CFAP69: variants seen among roughly 807,000 people sequenced by gnomAD.
CFAP69 encodes the protein cilia- and flagella-associated protein 69.
In CFAP69, 92 loss-of-function variants were observed where a neutral mutation model predicts 123.0. The observed-to-expected ratio is 0.75, with a 90% CI of 0.63 to 0.89. The LOEUF is 0.89. Among genes scored for constraint, CFAP69 ranks in the 40% least tolerant of loss-of-function variants. CFAP69 has a pLI of 0.00. For missense variants in CFAP69, 1,067 were observed against 1,096.9 expected (o/e 0.97, Z 0.39); for synonymous variants, 380 against 364.3 (o/e 1.04, Z -0.49).
the CFAP69 span, chr7:90,320,326 A>G: frequency 2.6e-5 from 4 of 152,236 alleles, no homozygotes; most frequent in Admixed American, 1.3e-4. Context: ...ACGCACTAAT[A>G]TCCGGTGTAT....
chr7:90,262,596 TCTG>T (rs1035636631), intron 4 of CFAP69, among the ~76,000 whole-genome samples: 1 of 152,112 alleles, frequency 6.6e-6, no homozygotes, highest in Non-Finnish European at 1.5e-5. Context: ...TCTAACAAGT[TCTG>T]GGAACTGAGT....
At chr7:90,287,403 TG>T in intron 14 of CFAP69, 1 of 644,600 alleles carries the variant, frequency 1.6e-6, no homozygotes, top group Non-Finnish European at 1.9e-6. Context: ...TTTTCCAGAG[TG>T]GGCTGTACCA....
chr7:90,262,379 T>C (rs1798451666), intron 4 of CFAP69, among the ~76,000 whole-genome samples: 1 of 152,220 alleles, frequency 6.6e-6, no homozygotes. Flanking sequence ...ATGGATATGC[T>C]TATAATTTCA....
At chr7:90,272,676 C>G (rs1487773479) in intron 8 of CFAP69, among the ~76,000 whole-genome samples, 1 of 152,064 alleles carries the variant, frequency 6.6e-6, no homozygotes, top group African/African-American at 2.4e-5. Flanking sequence ...CAGGGATCAG[C>G]AGATACTAGG....
In CFAP69 at chr7:90,271,969, G is replaced by A. The variant is rs746540573; in HGVS notation, c.860+11G>A. ...CTTGGAATGTTTGCTGTAAGCGTAT[G>A]TGGTTAGATAGGAATGTTCTTTTAA... is the stretch of plus-strand genomic sequence containing the variant. On this transcript the variant is annotated intron_variant, in intron 8 of 22. Transcript: ENST00000389297. 2 of 1,602,868 alleles carry A rather than the reference G, an allele frequency of 1.2e-6. No individual in the cohort carries two copies. The highest frequency in any genetic ancestry group is 2.7e-5 in the African/African-American group (2 of 74,450).
chr7:90,251,574 G>T (rs1797009643), intron 1 of CFAP69, among the ~76,000 whole-genome samples: 2 of 152,110 alleles, frequency 1.3e-5, no homozygotes, highest in Admixed American at 1.3e-4. Context: ...AGATCCTTGT[G>T]TTACATACAA....
rs760134278 is a variant in CFAP69, at chr7:90,297,779, G to A, written c.1806G>A (p.Glu602=). Residue 602 remains glutamate (E), a synonymous_variant, in exon 16 of 23, where the codon GAG becomes GAA. Coordinates refer to ENST00000389297, the MANE Select transcript of CFAP69 (RefSeq NM_001039706.3). ...WCCILGCYPS[E]DYFLEKEGIF... ...GTATTTTGGGATGTTATCCCTCAGA[G>A]GATTATTTTCTTGAAAAGGAAGGCA... The A allele has an allele frequency of 8.3e-6, 13 of 1,573,022 alleles. No homozygotes were observed. The highest frequency in any genetic ancestry group is 1.1e-5 in the Non-Finnish European group (13 of 1,167,398).
the CFAP69 span, chr7:90,319,010 T>C: frequency 5.6e-6 from 1 of 178,672 alleles, no homozygotes; most frequent in Non-Finnish European, 1.2e-5. Context: ...TTCAAAAGCC[T>C]AAATACATGT....
At chr7:90,300,588 A>T (rs1159452344) in intron 17 of CFAP69, 4 of 415,086 alleles carry the variant, frequency 9.6e-6, no homozygotes, top group Non-Finnish European at 1.3e-5. Flanking sequence ...TGAGACTTAC[A>T]GTATCATAAT....
chr7:90,277,171 G>A (rs774260485), intron 10 of CFAP69, 42 bp from the exon 11 acceptor site: 7 of 1,575,736 alleles, frequency 4.4e-6, no homozygotes, highest in East Asian at 4.5e-5. Flanking sequence ...GATAAGTCTT[G>A]TACAACATTT....
intron 13 of CFAP69, among the ~76,000 whole-genome samples, chr7:90,283,468 G>A (rs1045459765): frequency 2.6e-5 from 4 of 152,044 alleles, no homozygotes; most frequent in Non-Finnish European, 5.9e-5. Context: ...GTACAGAGGA[G>A]TTTCTTTTCT....
intron 2 of CFAP69, among the ~76,000 whole-genome samples, chr7:90,256,619 G>T (rs894001803): frequency 5.9e-5 from 9 of 152,040 alleles, no homozygotes; most frequent in African/African-American, 2.2e-4. Context: ...CAAAAATTTG[G>T]TCACTGTTTT....
At chr7:90,287,667 A>G (rs1790501659) in intron 14 of CFAP69, 3 of 985,286 alleles carry the variant, frequency 3.0e-6, no homozygotes, top group South Asian at 9.4e-5. Context: ...ATATTCTACC[A>G]CCCTGTGCCT....
At chr7:90,274,693 G>A (rs752805414) in intron 9 of CFAP69, among the ~76,000 whole-genome samples, 7 of 152,020 alleles carry the variant, frequency 4.6e-5, no homozygotes, top group African/African-American at 7.2e-5. Context: ...ATTTCAAATC[G>A]TTATTCCCCT....
chr7:90,258,115 AC>A lies in CFAP69; in HGVS notation c.199del (p.Gln67AsnfsTer18). 1.2e-6 allele frequency: 2 copies of A among 1,611,762 alleles called. No individual in the cohort carries two copies. The highest frequency in any genetic ancestry group is 1.7e-6 in the Non-Finnish European group (2 of 1,178,938). On this transcript the variant is annotated frameshift_variant, in exon 3 of 23. Coordinates refer to ENST00000389297, the MANE Select transcript of CFAP69 (RefSeq NM_001039706.3). LOFTEE classifies it high-confidence loss of function. ...TGTTTTAGGATGGCTTGGAAGAAAA[AC>A]AACTTAAATTTGTCAAGAAACTGGT... ...ETDKDGLEEK[Q>X]LKFVKKLVQC... is the part of the protein sequence containing the mutation.
Position 90,304,022 on chromosome 7 carries a change from C to T in CFAP69, c.2104C>T (p.Leu702=), listed in dbSNP as rs1475518374. 5 of 1,551,232 alleles carry T rather than the reference C, an allele frequency of 3.2e-6. No homozygotes were observed. The highest frequency in any genetic ancestry group is 4.4e-6 in the Non-Finnish European group (5 of 1,146,716). Residue 702 remains leucine (L), a synonymous_variant, in exon 18 of 23, where the codon CTG becomes TTG. Coordinates refer to ENST00000389297, the MANE Select transcript of CFAP69 (RefSeq NM_001039706.3). The stretch of plus-strand genomic sequence containing the variant: ...TCAAGAAGAGCAAAAAATCATCCCA[C>T]TGCCTGCTAACTGCCCATCTATTGC... The part of the protein sequence containing the change: ...SFQEEQKIIP[L]PANCPSIAVM...
chr7:90,310,331 GTATTTTAGTATAAA>G lies in CFAP69; in HGVS notation c.*104_*117del. ...ATGTAAAGCCAATATTTTAGAATAA[GTATTTTAGTATAAA>G]TATTTTAGTAAAATACTATAAAAAT... On this transcript the variant is annotated 3_prime_UTR_variant, in exon 23 of 23. Transcript: ENST00000389297. 1 of 638,352 alleles carries G rather than the reference GTATTTTAGTATAAA, an allele frequency of 1.6e-6. No individual in the cohort carries two copies. The highest frequency in any genetic ancestry group is 2.3e-6 in the Non-Finnish European group (1 of 437,992). The allele number at this position is 638,352 out of a possible 1,614,324, so 39.5% of individuals were successfully genotyped here. A position where few individuals can be genotyped will look rare whatever the true frequency, so the allele number is the denominator to read the frequency against.
chr7:90,268,056 G>A (rs1173729399), intron 5 of CFAP69, among the ~76,000 whole-genome samples: 1 of 152,162 alleles, frequency 6.6e-6, no homozygotes, highest in Non-Finnish European at 1.5e-5. Flanking sequence ...GAAAGGAGAG[G>A]CTGAATTGAT....
intron 15 of CFAP69, among the ~76,000 whole-genome samples, chr7:90,295,233 G>A (rs1451884119): frequency 1.3e-5 from 2 of 152,158 alleles, no homozygotes; most frequent in African/African-American, 4.8e-5. Context: ...TTTACTGAGA[G>A]GGGCCTCTAA....
Sources: gnomAD v4.1 joint callset for allele counts (sites outside exome capture counted in the v4.1 genomes callset) on GRCh38, gnomAD v4.1.1 for gene constraint, MANE v1.5 for transcripts, NCBI Gene and HGNC (gene_info 2026-07-23, HGNC 2026-07-21) for gene names.